ST7: variants seen among roughly 807,000 people sequenced by gnomAD.
ST7 encodes the protein suppressor of tumorigenicity 7 protein.
In ST7, 28 loss-of-function variants were observed where a neutral mutation model predicts 78.7. The observed-to-expected ratio is 0.36, with a 90% CI of 0.26 to 0.49. ST7 has a LOEUF of 0.49. ST7 is among the 20% of genes least tolerant of loss of function. The pLI, the probability that ST7 is intolerant of heterozygous loss-of-function variation, is 0.99. For synonymous variants in ST7, 247 were observed against 249.6 expected, an observed-to-expected ratio of 0.99 and a Z score of 0.10; for missense variants, 418 against 696.0, an observed-to-expected ratio of 0.60 and a Z score of 4.49.
intron 12 of ST7, among the ~76,000 whole-genome samples, chr7:117,194,885 G>A (rs1401743938): frequency 6.6e-6 from 1 of 152,134 alleles, no homozygotes; most frequent in Non-Finnish European, 1.5e-5. Flanking sequence ...GCGCTTATGT[G>A]CTCTTAGTAT....
At chr7:116,977,013 G>A (rs1793736784) in intron 1 of ST7, among the ~76,000 whole-genome samples, 2 of 152,134 alleles carry the variant, frequency 1.3e-5, no homozygotes, top group Admixed American at 1.3e-4. Flanking sequence ...GAGGCTTTTT[G>A]TGATGAAAAT....
intron 1 of ST7, among the ~76,000 whole-genome samples, chr7:116,963,135 C>T (rs750261197): frequency 1.1e-4 from 17 of 152,074 alleles, no homozygotes; most frequent in Non-Finnish European, 2.1e-4. Flanking sequence ...TTTTTATCCT[C>T]GATATTCTTT....
intron 10 of ST7, among the ~76,000 whole-genome samples, chr7:117,181,975 G>A (rs1383459864): frequency 1.3e-5 from 2 of 152,108 alleles, no homozygotes; most frequent in African/African-American, 4.8e-5. Context: ...GGAGGAATAT[G>A]GATATAATAC....
intron 2 of ST7, among the ~76,000 whole-genome samples, chr7:117,111,679 C>T (rs1802443164): frequency 1.3e-5 from 2 of 152,150 alleles, no homozygotes; most frequent in South Asian, 4.1e-4. Flanking sequence ...TCAAGATACC[C>T]CTCTGCCTGC....
rs1804406986 is a variant in ST7, at chr7:117,132,104, T to A, written c.641+144T>A. On this transcript the variant is annotated intron_variant, in intron 6 of 15. Coordinates refer to ENST00000323984, the MANE Select transcript of ST7 (RefSeq NM_001369598.1). ...AGTTATTACTCTATTTAAAAAAGTT[T>A]TTTTTTTAAATGAAGGACAGCCACC... 2.1e-5 allele frequency: 17 copies of A among 796,480 alleles called. No homozygotes were observed. The South Asian group carries it at 3.6e-4, about 17-fold the overall frequency. 49.3% of individuals were successfully genotyped at this position (796,480 alleles called of 1,614,324 possible). A position where few individuals can be genotyped will look rare whatever the true frequency, so the allele number is the denominator to read the frequency against.
chr7:117,195,978 A>G (rs979938191), intron 12 of ST7, among the ~76,000 whole-genome samples: 2 of 152,060 alleles, frequency 1.3e-5, no homozygotes, highest in Admixed American at 6.6e-5. Context: ...GAATTTGACT[A>G]CTTTAGATAC....
At chr7:117,165,459 G>A (rs777092103) in intron 9 of ST7, among the ~76,000 whole-genome samples, 7 of 152,126 alleles carry the variant, frequency 4.6e-5, no homozygotes, top group South Asian at 4.1e-4. Flanking sequence ...TAAAGGACAC[G>A]TTTAGGGATA....
At position 117,190,804 on chromosome 7, in the gene ST7, C is replaced by T; in HGVS notation, c.1152-30C>T. ...GTTGATGCCCAAGCAGTGGTCCCAC[C>T]TGGATGGTTTTTGTCTTTCTGCTTT... On this transcript the variant is annotated intron_variant, in intron 11 of 15. Transcript: ENST00000323984. The surrounding 1 kb of genome is among the most constrained non-coding windows in gnomAD (Gnocchi z 5.2). 1 of 1,598,938 alleles carries T rather than the reference C, an allele frequency of 6.3e-7. No individual in the cohort carries two copies. Among genetic ancestry groups the T allele is most frequent in the Non-Finnish European group, 8.6e-7 (1 of 1,166,992 alleles).
At chr7:117,108,472 C>T (rs1802158456) in intron 2 of ST7, among the ~76,000 whole-genome samples, 1 of 152,040 alleles carries the variant, frequency 6.6e-6, no homozygotes, top group African/African-American at 2.4e-5. Context: ...ATACTAGTAC[C>T]AAGCTGTTTT....
At chr7:117,163,476 C>G (rs551268662) in intron 9 of ST7, among the ~76,000 whole-genome samples, 4 of 152,020 alleles carry the variant, frequency 2.6e-5, no homozygotes, top group Non-Finnish European at 5.9e-5. Context: ...GTCTTTTTTA[C>G]AATAGCCATT....
At chr7:117,124,148 G>A (rs1375856155) in intron 3 of ST7, among the ~76,000 whole-genome samples, 4 of 152,030 alleles carry the variant, frequency 2.6e-5, no homozygotes, top group Non-Finnish European at 4.4e-5. Context: ...AATTTAGGTA[G>A]AGTAAAAAAA....
chr7:117,009,259 TTTTTTTTTTTTG>T (rs1795281900), intron 1 of ST7, among the ~76,000 whole-genome samples: 1 of 17,040 alleles, frequency 5.9e-5, no homozygotes, highest in African/African-American at 1.8e-4. Flanking sequence ...TTTTTTTTGT[TTTTTTTTTTTTG>T]TTTTTGGCCT....
rs532653906 is a variant in ST7 at position 117,174,639 on chromosome 7, G to T, written c.1078+3663G>T. On this transcript the variant is annotated intron_variant, in intron 10 of 15. Transcript: ENST00000323984. ...CACACTTACACTCTTTCTGCTGTTG[G>T]TAGTATTTATTTAAATTGTTTTTAT... Among the ~76,000 whole-genome samples, 3 of 152,110 alleles carry T rather than the reference G, an allele frequency of 2.0e-5. No individual in the cohort carries two copies. The South Asian group carries it at 6.2e-4, about 32-fold the overall frequency.
In ST7 at chr7:116,999,936, A is replaced by G. The variant is rs186525826; in HGVS notation, c.151+46245A>G. 5.4e-3 allele frequency among the ~76,000 whole-genome samples: 791 copies of G among 146,200 alleles called. 2 individuals carry two copies. The highest frequency in any genetic ancestry group is 8.8e-3 in the Non-Finnish European group (592 of 67,174). ...CGCCATTCTCCTGCCTCAGCCTCCC[A>G]AGTAGCTGGGACTACAGGTGCCTGC... On this transcript the variant is annotated intron_variant, in intron 1 of 15. Coordinates refer to ENST00000323984, the MANE Select transcript of ST7 (RefSeq NM_001369598.1).
chr7:117,202,652 T>G (rs1421669208), intron 12 of ST7, among the ~76,000 whole-genome samples: 1 of 152,200 alleles, frequency 6.6e-6, no homozygotes, highest in Non-Finnish European at 1.5e-5. Context: ...ACTTTGCTAA[T>G]TTCCATCTGT....
intron 1 of ST7, among the ~76,000 whole-genome samples, chr7:117,092,233 C>T (rs1455493615): frequency 7.5e-6 from 1 of 132,480 alleles, no homozygotes; most frequent in Non-Finnish European, 1.6e-5. Flanking sequence ...GAGCCAAGAT[C>T]ACGCCACTGC....
intron 1 of ST7, among the ~76,000 whole-genome samples, chr7:117,051,502 G>A (rs1797789554): frequency 2.0e-5 from 3 of 152,188 alleles, no homozygotes; most frequent in Admixed American, 2.0e-4. Context: ...TCACACAGGG[G>A]CTCATATCCA....
intron 9 of ST7, among the ~76,000 whole-genome samples, chr7:117,148,354 ATTG>A (rs1464330383): frequency 1.3e-5 from 2 of 152,116 alleles, no homozygotes; most frequent in African/African-American, 2.4e-5. Context: ...TAACTGGTTT[ATTG>A]TTGTCTAAAT....
At chr7:117,220,477 A>G (rs969734597) in intron 14 of ST7, among the ~76,000 whole-genome samples, 8 of 152,246 alleles carry the variant, frequency 5.3e-5, no homozygotes, top group South Asian at 4.1e-4. Flanking sequence ...TAAGAAAGGC[A>G]GTTTTCTGAA....
Sources: allele counts gnomAD v4.1 joint callset (sites outside exome capture counted in the v4.1 genomes callset), GRCh38; gene constraint gnomAD v4.1.1; non-coding constraint Gnocchi (gnomAD v3.1); transcripts MANE v1.5; gene names NCBI Gene and HGNC (gene_info 2026-07-23, HGNC 2026-07-21).